Variants in TAF15 observed in about 807,000 individuals in gnomAD.
TAF15 encodes TATA-box binding protein associated factor 15.
In TAF15, 37 loss-of-function variants were observed where a neutral mutation model predicts 102.5. The observed-to-expected ratio is 0.36, with a 90% CI of 0.28 to 0.47. The LOEUF is 0.47. Ranked by LOEUF, TAF15 falls within the 20% of genes least tolerant of loss-of-function variation. The pLI, the probability that TAF15 is intolerant of heterozygous loss-of-function variation, is 0.99. For synonymous variants in TAF15, 273 were observed against 259.2 expected, an observed-to-expected ratio of 1.05 and a Z score of -0.51; for missense variants, 652 against 760.7, an observed-to-expected ratio of 0.86 and a Z score of 1.68.
intron 7 of TAF15, among the ~76,000 whole-genome samples, chr17:35,827,715 AAAG>A (rs899710065): frequency 6.6e-6 from 1 of 152,036 alleles, no homozygotes; most frequent in Non-Finnish European, 1.5e-5. Context: ...CAAAAAAAAA[AAAG>A]AAGGGGCATA....
rs1254145019 is a variant in TAF15 at position 35,814,122 on chromosome 17, G to A, written c.8-3594G>A. 5.3e-5 allele frequency among the ~76,000 whole-genome samples: 8 copies of A among 151,906 alleles called. 1 individual carries two copies. The highest frequency in any genetic ancestry group is 4.6e-4 in the Admixed American group (7 of 15,252). Reference sequence around the variant, plus strand: ...GGATCTTTCTGTGTTGCCCAGGCTGGTCTTGAACTCCTCAGCTCAAGCAAT... The same window carrying A: ...GGATCTTTCTGTGTTGCCCAGGCTGATCTTGAACTCCTCAGCTCAAGCAAT... On this transcript the variant is annotated intron_variant, in intron 1 of 15. Transcript: ENST00000605844.
chr17:35,809,710 C>A (rs933346510), intron 1 of TAF15, 134 bp downstream of exon 1: 1 of 1,235,598 alleles, frequency 8.1e-7, no homozygotes, highest in African/African-American at 1.5e-5. Flanking sequence ...GGGGCGGCCG[C>A]TGCCGCCGCC....
At chr17:35,825,583 C>T (rs945042777) in intron 7 of TAF15, among the ~76,000 whole-genome samples, 21 of 152,110 alleles carry the variant, frequency 1.4e-4, no homozygotes, top group African/African-American at 4.1e-4. Flanking sequence ...ACATCCTAAT[C>T]GATTATTAAA....
At chr17:35,823,179 T>A (rs2087283901) in intron 6 of TAF15, among the ~76,000 whole-genome samples, 1 of 152,202 alleles carries the variant, frequency 6.6e-6, no homozygotes, top group Non-Finnish European at 1.5e-5. Context: ...GTACATGGTT[T>A]GGTTCATAGT....
chr17:35,834,369 A>G (rs1801065738), intron 8 of TAF15, 197 bp from the exon 9 acceptor site: 2 of 593,100 alleles, frequency 3.4e-6, no homozygotes, highest in African/African-American at 1.9e-5. Flanking sequence ...AGTTAAAGGA[A>G]ATGTTGACAT....
At chr17:35,830,169 G>C (rs1376573201) in intron 7 of TAF15, 1 of 151,594 alleles carries the variant, frequency 6.6e-6, no homozygotes, top group Non-Finnish European at 1.5e-5. Context: ...TATGCAACTA[G>C]CTGGGGGCTG....
rs1469251038 is a variant in TAF15, at chr17:35,834,558, T to C, written c.641-8T>C. ...TAAATAGCTCTTTTTTCTTTTCTTT[T>C]CCCTTAGGTCACAGGGATTATGGAC... On this transcript the variant is annotated splice_polypyrimidine_tract_variant and splice_region_variant and intron_variant, in intron 8 of 15. Transcript: ENST00000605844. 6.2e-7 allele frequency: 1 copy of C among 1,613,260 alleles called. No homozygotes were observed. Among genetic ancestry groups the C allele is most frequent in the Non-Finnish European group, 8.5e-7 (1 of 1,179,672 alleles).
chr17:35,813,992 TTTG>T (rs201603145), intron 1 of TAF15, among the ~76,000 whole-genome samples: 5,769 of 137,678 alleles, frequency 0.042, 322 homozygotes, highest in African/African-American at 0.14. Context: ...TTCTGTTTTT[TTTG>T]TTGTTGTTGT....
intron 9 of TAF15, 131 bp from the exon 10 acceptor site, chr17:35,836,001 C>G (rs2087469843): frequency 6.0e-6 from 4 of 662,996 alleles, no homozygotes; most frequent in Non-Finnish European, 1.1e-5. Context: ...TAAGGTTGTT[C>G]TTATATTGGT....
chr17:35,821,720 A>G (rs1439616094), intron 5 of TAF15, among the ~76,000 whole-genome samples: 1 of 152,184 alleles, frequency 6.6e-6, no homozygotes, highest in African/African-American at 2.4e-5. Flanking sequence ...AGATACTTAG[A>G]ATTTTCCTTT....
At chr17:35,841,316 G>A (rs774245746) in intron 11 of TAF15, among the ~76,000 whole-genome samples, 8 of 152,160 alleles carry the variant, frequency 5.3e-5, no homozygotes, top group Non-Finnish European at 8.8e-5. Context: ...AGATAAATAC[G>A]TACATGTTAC....
chr17:35,831,113 A>G (rs1425795098), intron 7 of TAF15, among the ~76,000 whole-genome samples: 1 of 152,206 alleles, frequency 6.6e-6, no homozygotes, highest in Non-Finnish European at 1.5e-5. Context: ...AGTAAAGATG[A>G]CGTTCAAGGC....
At chr17:35,827,529 A>G (rs1369498670) in intron 7 of TAF15, among the ~76,000 whole-genome samples, 1 of 151,794 alleles carries the variant, frequency 6.6e-6, no homozygotes, top group Non-Finnish European at 1.5e-5. Flanking sequence ...ATAGGGTGAA[A>G]CCCCGTCTCT....
chr17:35,817,761 G>A lies in TAF15; in HGVS notation c.47+6G>A. On this transcript the variant is annotated splice_donor_region_variant and intron_variant, in intron 2 of 15. Transcript: ENST00000605844. ...TCTGGGGGTGAGCAGCAAAGGTAAA[G>A]TATACATACATTTTAATAATATGAA... The A allele has an allele frequency of 1.2e-6, 2 of 1,612,870 alleles. No individual in the cohort carries two copies. The highest frequency in any genetic ancestry group is 1.1e-5 in the South Asian group (1 of 91,060).
chr17:35,828,077 T>A (rs1375321300), intron 7 of TAF15, among the ~76,000 whole-genome samples: 1 of 152,220 alleles, frequency 6.6e-6, no homozygotes, highest in African/African-American at 2.4e-5. Context: ...AAATAATTGC[T>A]TTTCATTATT....
Position 35,822,803 on chromosome 17 carries a change from C to A in TAF15, c.454C>A (p.Gln152Lys), listed in dbSNP as rs78280513. The change falls in exon 6 of 16, where the codon CAA (glutamine) becomes AAA (lysine). Residue 152 changes from glutamine (Q) to lysine (K), a missense_variant. Gln to Lys is a moderately conservative substitution (Grantham distance 53). Transcript: ENST00000605844. ...TCAAAACCAGCAGTCCTATCATTCA[C>A]AAAGGGAAAACTACAGCCACCACAC... ...YSQNQQSYHS[Q>K]RENYSHHTQD... The A allele has an allele frequency of 2.5e-6, 4 of 1,614,186 alleles. No individual in the cohort carries two copies. The highest frequency in any genetic ancestry group is 3.4e-6 in the Non-Finnish European group (4 of 1,180,034).
At chr17:35,833,546 A>T in intron 7 of TAF15, 1 of 181,700 alleles carries the variant, frequency 5.5e-6, no homozygotes, top group Non-Finnish European at 1.2e-5. Context: ...TTTTTCTCAT[A>T]TTTAGAAAAT....
chr17:35,845,073 C>G (rs1364086613), intron 15 of TAF15, 35 bp downstream of exon 15: 1 of 1,611,882 alleles, frequency 6.2e-7, no homozygotes, highest in East Asian at 2.2e-5. Context: ...ACCTTTTTAC[C>G]TCACTGCACC....
Position 35,846,887 on chromosome 17 carries a change from C to T in TAF15, c.1740-19C>T, listed in dbSNP as rs755093875. On this transcript the variant is annotated intron_variant, in intron 15 of 15. Coordinates refer to ENST00000605844, the MANE Select transcript of TAF15 (RefSeq NM_139215.3). Reference sequence around the variant, plus strand: ...TAGAAAATTAGAATTTAGTCCGGCTCTTTATTTTTCATTCCTAGAAACGAC... The same window carrying T: ...TAGAAAATTAGAATTTAGTCCGGCTTTTTATTTTTCATTCCTAGAAACGAC... 2 of 1,613,750 alleles carry T rather than the reference C, an allele frequency of 1.2e-6. No homozygotes were observed. Among genetic ancestry groups the T allele is most frequent in the Non-Finnish European group, 1.7e-6 (2 of 1,179,674 alleles).
Sources: gnomAD v4.1 joint callset for allele counts (sites outside exome capture counted in the v4.1 genomes callset) on GRCh38, gnomAD v4.1.1 for gene constraint, MANE v1.5 for transcripts, NCBI Gene and HGNC (gene_info 2026-07-23, HGNC 2026-07-21) for gene names.